Variants in RAVER2 observed in about 807,000 individuals in gnomAD.
RAVER2 encodes ribonucleoprotein, PTB binding 2.
RAVER2 carries 46 observed loss-of-function variants against 78.1 expected under a neutral mutation model. The observed-to-expected ratio is 0.59, with a 90% CI of 0.46 to 0.75. The LOEUF is 0.75. RAVER2 is among the 30% of genes least tolerant of loss of function. The pLI is 0.00. For synonymous variants in RAVER2, 311 were observed against 313.3 expected (o/e 0.99, Z 0.08); for missense variants, 793 against 837.5 (o/e 0.95, Z 0.66).
exon 4 of RAVER2, chr1:64,781,519 C>T (rs771380909): frequency 1.2e-6 from 2 of 1,614,148 alleles, no homozygotes; most frequent in East Asian, 2.2e-5. Flanking sequence ...TTCTGTGCTC[C>T]TGGAGCGCCA....
chr1:64,786,518 C>T (rs973516678), intron 4 of RAVER2, among the ~76,000 whole-genome samples: 3 of 152,176 alleles, frequency 2.0e-5, no homozygotes, highest in African/African-American at 4.8e-5. Flanking sequence ...GGGCCAGGTG[C>T]GGTGGCTCTT....
At chr1:64,751,359 C>A (rs1275813271) in intron 1 of RAVER2, among the ~76,000 whole-genome samples, 1 of 152,178 alleles carries the variant, frequency 6.6e-6, no homozygotes, top group Admixed American at 6.5e-5. Context: ...TTCAAATCAT[C>A]AGTAGGTACT....
At chr1:64,799,010 C>T (rs1277957346) in intron 5 of RAVER2, among the ~76,000 whole-genome samples, 2 of 152,152 alleles carry the variant, frequency 1.3e-5, no homozygotes, top group African/African-American at 4.8e-5. Flanking sequence ...CCCTACAGTA[C>T]TATAGAACAT....
chr1:64,762,841 C>G (rs1186373131), intron 1 of RAVER2, among the ~76,000 whole-genome samples: 1 of 152,050 alleles, frequency 6.6e-6, no homozygotes, highest in Non-Finnish European at 1.5e-5. Flanking sequence ...TTAAAGAGGT[C>G]ACAAAAGGCA....
chr1:64,761,710 C>G (rs1362162135), intron 1 of RAVER2, among the ~76,000 whole-genome samples: 2 of 151,880 alleles, frequency 1.3e-5, no homozygotes, highest in Non-Finnish European at 2.9e-5. Flanking sequence ...CACAATACAC[C>G]TAGATAAATA....
chr1:64,778,574 A>C (rs188164693), intron 3 of RAVER2, among the ~76,000 whole-genome samples: 46 of 152,208 alleles, frequency 3.0e-4, no homozygotes, highest in African/African-American at 1.1e-3. Context: ...GTTTAAAAGG[A>C]ATGTGTAGTT....
chr1:64,774,184 A>T (rs181884391), intron 2 of RAVER2, among the ~76,000 whole-genome samples: 23 of 152,314 alleles, frequency 1.5e-4, no homozygotes, highest in Admixed American at 1.4e-3. Flanking sequence ...TAGTTTAATT[A>T]GACCCCATTT....
intron 1 of RAVER2, among the ~76,000 whole-genome samples, chr1:64,752,517 G>T (rs1182502358): frequency 6.6e-6 from 1 of 151,962 alleles, no homozygotes; most frequent in Non-Finnish European, 1.5e-5. Context: ...TACTTGCTGG[G>T]GCCCTGATTC....
chr1:64,826,139 A>G (rs954187795), intron 11 of RAVER2, among the ~76,000 whole-genome samples: 1 of 152,248 alleles, frequency 6.6e-6, no homozygotes, highest in African/African-American at 2.4e-5. Context: ...TCATTTACTC[A>G]TTCAACCAGT....
intron 4 of RAVER2, among the ~76,000 whole-genome samples, chr1:64,783,629 C>A (rs1323945086): frequency 1.3e-5 from 2 of 152,044 alleles, no homozygotes; most frequent in Admixed American, 1.3e-4. Context: ...TTTGTAGATT[C>A]TGGATATATT....
At chr1:64,827,447 A>G (rs1046196409) in intron 11 of RAVER2, among the ~76,000 whole-genome samples, 1 of 152,214 alleles carries the variant, frequency 6.6e-6, no homozygotes, top group Non-Finnish European at 1.5e-5. Flanking sequence ...TGTAGTTCCA[A>G]AGTACAGAAT....
intron 1 of RAVER2, among the ~76,000 whole-genome samples, chr1:64,754,101 G>A (rs1438898273): frequency 6.6e-6 from 1 of 152,010 alleles, no homozygotes; most frequent in Non-Finnish European, 1.5e-5. Context: ...CATACTTAGA[G>A]TTGTTTAATA....
intron 1 of RAVER2, among the ~76,000 whole-genome samples, chr1:64,762,289 A>G (rs1652043712): frequency 6.6e-6 from 1 of 152,200 alleles, no homozygotes; most frequent in Non-Finnish European, 1.5e-5. Context: ...TAAATGGAAG[A>G]ACATTCCACA....
intron 1 of RAVER2, among the ~76,000 whole-genome samples, chr1:64,762,748 C>CT (rs1216258384): frequency 1.3e-5 from 2 of 152,092 alleles, no homozygotes; most frequent in East Asian, 1.9e-4. Flanking sequence ...GGCTTATAGT[C>CT]TAAATGTAAA....
At chr1:64,802,255 C>T (rs1243192049) in intron 5 of RAVER2, among the ~76,000 whole-genome samples, 1 of 152,190 alleles carries the variant, frequency 6.6e-6, no homozygotes, top group Non-Finnish European at 1.5e-5. Flanking sequence ...CCTGTCTCAT[C>T]CTATGACTTA....
At chr1:64,819,967 T>C (rs1003832627) in intron 11 of RAVER2, among the ~76,000 whole-genome samples, 9 of 152,230 alleles carry the variant, frequency 5.9e-5, no homozygotes. Context: ...AAAAAGACTA[T>C]ATATTTTCTC....
At chr1:64,756,994 T>TA (rs1323879308) in intron 1 of RAVER2, among the ~76,000 whole-genome samples, 1 of 152,242 alleles carries the variant, frequency 6.6e-6, no homozygotes, top group Non-Finnish European at 1.5e-5. Flanking sequence ...TAACATGACT[T>TA]ACCACTGGTG....
chr1:64,784,951 G>T (rs1171157946), intron 4 of RAVER2, among the ~76,000 whole-genome samples: 2 of 152,078 alleles, frequency 1.3e-5, no homozygotes, highest in African/African-American at 2.4e-5. Flanking sequence ...TTCCCTGCGT[G>T]GTCCCATGTC....
At chr1:64,832,105 C>T (rs972787476) in exon 12 of RAVER2, 9 of 152,610 alleles carry the variant, frequency 5.9e-5, no homozygotes, top group African/African-American at 1.9e-4. Context: ...TTTCTGTGCT[C>T]ATTTCATAGC....
Sources: allele counts gnomAD v4.1 joint callset (sites outside exome capture counted in the v4.1 genomes callset), GRCh38; gene constraint gnomAD v4.1.1; transcripts MANE v1.5; gene names NCBI Gene and HGNC (gene_info 2026-07-23, HGNC 2026-07-21).